The following STK31 variants were observed in gnomAD, a reference collection of about 807,000 sequenced individuals.
STK31 encodes serine/threonine-protein kinase 31.
In STK31, 89 loss-of-function variants were observed where a neutral mutation model predicts 129.7. The ratio of observed to expected loss-of-function variants is 0.69; its 90% CI spans 0.58 to 0.82. The LOEUF (loss-of-function observed/expected upper bound fraction) is 0.82, where lower values mean the gene tolerates loss of function less well. Among genes scored for constraint, STK31 ranks in the 40% least tolerant of loss-of-function variants. STK31 has a pLI of 0.00. For synonymous variants in STK31, 448 were observed against 395.3 expected, an observed-to-expected ratio of 1.13 and a Z score of -1.58; for missense variants, 1,187 against 1,176.4, an observed-to-expected ratio of 1.01 and a Z score of -0.13.
chr7:23,710,476 G>T, intron 1 of STK31, 141 bp downstream of exon 1: 2 of 1,527,862 alleles, frequency 1.3e-6, no homozygotes, highest in Admixed American at 2.1e-5. Flanking sequence ...CGCCACCCCA[G>T]AGGGGTGCCA....
At chr7:23,789,685 A>G (rs1791501152) in intron 21 of STK31, among the ~76,000 whole-genome samples, 1 of 152,128 alleles carries the variant, frequency 6.6e-6, no homozygotes, top group Non-Finnish European at 1.5e-5. Flanking sequence ...AGATATCCTA[A>G]GAAATATAAC....
Position 23,783,587 on chromosome 7 carries a change from T to C in STK31, c.2072T>C (p.Met691Thr). ...ACTTTTTTTTTTTAACTTTAGGAGA[T>C]GCTAACTAGTTTGGCACAGAAATGG... ...EIYHEREEYE[M>T]LTSLAQKWFP... Residue 691 changes from methionine to threonine, a missense_variant, in exon 17 of 24, where the codon ATG becomes ACG. Met to Thr is a moderately conservative substitution (Grantham distance 81). Transcript: ENST00000355870. The C allele has an allele frequency of 6.2e-7, 1 of 1,607,862 alleles. No individual in the cohort carries two copies. Among genetic ancestry groups the C allele is most frequent in the Non-Finnish European group, 8.5e-7 (1 of 1,178,780 alleles).
intron 15 of STK31, among the ~76,000 whole-genome samples, chr7:23,778,764 C>T (rs138035341): frequency 2.4e-4 from 36 of 152,104 alleles, no homozygotes; most frequent in African/African-American, 8.2e-4. Flanking sequence ...AGCTTCCTTC[C>T]ATTGGGTTAG....
intron 22 of STK31, among the ~76,000 whole-genome samples, chr7:23,804,358 T>C (rs1168905560): frequency 6.6e-6 from 1 of 152,200 alleles, no homozygotes; most frequent in East Asian, 1.9e-4. Context: ...GGAAGCTTTT[T>C]GGGAGTAGCT....
At chr7:23,740,598 A>T (rs891476738) in intron 8 of STK31, among the ~76,000 whole-genome samples, 1 of 151,934 alleles carries the variant, frequency 6.6e-6, no homozygotes, top group Non-Finnish European at 1.5e-5. Flanking sequence ...GCACCCATTA[A>T]CTCGTCATTT....
intron 22 of STK31, among the ~76,000 whole-genome samples, chr7:23,812,813 C>T (rs28800319): frequency 0.099 from 15,016 of 152,010 alleles, 1,061 homozygotes; most frequent in African/African-American, 0.2. Flanking sequence ...TAATGGCTTC[C>T]GATTCCATCC....
intron 20 of STK31, 28 bp from the exon 21 acceptor site, chr7:23,787,952 C>T: frequency 6.8e-7 from 1 of 1,480,350 alleles, no homozygotes; most frequent in Non-Finnish European, 9.0e-7. Context: ...CCTACTTCCT[C>T]ACTTCTTTTA....
At chr7:23,719,801 G>T (rs1786578980) in intron 4 of STK31, among the ~76,000 whole-genome samples, 1 of 152,026 alleles carries the variant, frequency 6.6e-6, no homozygotes, top group African/African-American at 2.4e-5. Context: ...GGAATTATTG[G>T]AGCTGAGATT....
rs146288536 is a variant in STK31, at chr7:23,752,530, G to A, written c.1018-187G>A. Among the ~76,000 whole-genome samples, 4 of 152,038 alleles carry A rather than the reference G, an allele frequency of 2.6e-5. No individual in the cohort carries two copies. In the East Asian group the frequency reaches 5.8e-4, roughly 22 times the overall value. ...CACCCATGTATTTTTTCGTAGAGAC[G>A]GGGTTTTGCCACATTGTCCAGGCTG... On this transcript the variant is annotated intron_variant, in intron 8 of 23. Transcript: ENST00000355870.
intron 22 of STK31, among the ~76,000 whole-genome samples, chr7:23,801,643 A>G (rs1186141923): frequency 6.6e-6 from 1 of 152,048 alleles, no homozygotes; most frequent in Non-Finnish European, 1.5e-5. Flanking sequence ...ATTTTTTCTT[A>G]TATTTTCTTC....
chr7:23,734,536 A>G (rs1434466019), intron 6 of STK31, among the ~76,000 whole-genome samples: 1 of 152,202 alleles, frequency 6.6e-6, no homozygotes, highest in African/African-American at 2.4e-5. Context: ...TTCCAATCCC[A>G]AATATGTTTT....
At chr7:23,715,028 G>A (rs1322914597) in intron 3 of STK31, among the ~76,000 whole-genome samples, 2 of 152,086 alleles carry the variant, frequency 1.3e-5, no homozygotes, top group South Asian at 4.1e-4. Flanking sequence ...GGAAACATGC[G>A]CATGAAAAGA....
intron 22 of STK31, among the ~76,000 whole-genome samples, chr7:23,798,556 C>T (rs188147678): frequency 1.7e-4 from 26 of 152,004 alleles, no homozygotes; most frequent in Middle Eastern, 3.4e-3. Flanking sequence ...CAACACCCTT[C>T]ATGCTAAAAA....
intron 23 of STK31, among the ~76,000 whole-genome samples, chr7:23,827,498 C>G (rs968093235): frequency 2.6e-5 from 4 of 152,056 alleles, no homozygotes; most frequent in African/African-American, 7.2e-5. Flanking sequence ...ATCCATTTGT[C>G]TTATTTTTTT....
intron 8 of STK31, among the ~76,000 whole-genome samples, chr7:23,738,632 C>T (rs571177915): frequency 6.6e-6 from 1 of 152,198 alleles, no homozygotes; most frequent in East Asian, 1.9e-4. Flanking sequence ...TCTCGGCTCA[C>T]TGCAACCTCT....
chr7:23,760,873 C>T (rs1789420124), intron 10 of STK31, among the ~76,000 whole-genome samples: 1 of 152,068 alleles, frequency 6.6e-6, no homozygotes, highest in Admixed American at 6.6e-5. Context: ...ACCATGTTGT[C>T]CAGACAGGTT....
Position 23,754,494 on chromosome 7 carries a change from C to G in STK31, c.1293+20C>G. On this transcript the variant is annotated intron_variant, in intron 10 of 23. Transcript: ENST00000355870. The stretch of plus-strand genomic sequence containing the variant: ...TATGTGGTGAGTTGGGAATTTTTCT[C>G]TATTGTGGTTTTTATCTGTTGAACA... 2 of 1,598,684 alleles carry G rather than the reference C, an allele frequency of 1.3e-6. No individual in the cohort carries two copies. Among genetic ancestry groups the G allele is most frequent in the East Asian group, 2.2e-5 (1 of 44,584 alleles).
At chr7:23,775,041 C>T (rs940502041) in intron 15 of STK31, among the ~76,000 whole-genome samples, 3 of 152,140 alleles carry the variant, frequency 2.0e-5, no homozygotes, top group African/African-American at 7.2e-5. Flanking sequence ...GGAATCCTTT[C>T]CCCATTGCTT....
At chr7:23,773,929 G>GCCCCCCCCCCCCC (rs145871496) in intron 15 of STK31, among the ~76,000 whole-genome samples, 1 of 148,546 alleles carries the variant, frequency 6.7e-6, no homozygotes, top group African/African-American at 2.5e-5. Context: ...CTCTCTCCCT[G>GCCCCCCCCCCCCC]CCACCCCCCA....
Sources: gnomAD v4.1 joint callset for allele counts (sites outside exome capture counted in the v4.1 genomes callset) on GRCh38, gnomAD v4.1.1 for gene constraint, MANE v1.5 for transcripts, NCBI Gene and HGNC (gene_info 2026-07-23, HGNC 2026-07-21) for gene names.